The following PSTPIP1 variants were observed in gnomAD, a reference collection of about 807,000 sequenced individuals.
PSTPIP1 encodes the protein proline-serine-threonine phosphatase interacting protein 1, also known as proline-serine-threonine phosphatase-interacting protein 1.
PSTPIP1 carries 66 observed loss-of-function variants against 69.6 expected under a neutral mutation model. That is an observed-to-expected ratio of 0.95 (90% CI 0.78 to 1.16). The LOEUF is 1.16. Ranked by LOEUF, PSTPIP1 falls within the 50% of genes most tolerant of loss-of-function variation. The probability of loss-of-function intolerance (pLI) is 0.00; values close to 1 mark genes in which losing one functional copy is unlikely to be tolerated. For missense variants in PSTPIP1, 603 were observed against 557.4 expected (o/e 1.08, Z -0.82); for synonymous variants, 266 against 222.7 (o/e 1.19, Z -1.73).
intron 5 of PSTPIP1, chr15:77,026,286 C>T (rs2076280289): frequency 4.5e-6 from 2 of 442,754 alleles, no homozygotes; most frequent in Admixed American, 2.4e-5. Context: ...TGGGCTTGGG[C>T]CTGTGAGGAT....
In PSTPIP1 at chr15:77,015,827, C is replaced by T. The variant is rs1038759925; in HGVS notation, c.37-2321C>T. 1.4e-4 allele frequency: 63 copies of T among 435,330 alleles called. 1 individual carries two copies. In the Admixed American group the frequency reaches 1.5e-3, roughly 10 times the overall value. The allele number at this position is 435,330 out of a possible 1,614,324, so 27.0% of individuals were successfully genotyped here. On this transcript the variant is annotated intron_variant, in intron 1 of 14. Coordinates refer to ENST00000558012, the MANE Select transcript of PSTPIP1 (RefSeq NM_003978.5). Reference sequence around the variant, plus strand: ...GAGTCAGGCACTTCCTCGGAACATCCCAGTCCTTGTGACAGTAGCTCACTC... The same window carrying T: ...GAGTCAGGCACTTCCTCGGAACATCTCAGTCCTTGTGACAGTAGCTCACTC...
chr15:77,032,817 G>A (rs538133422), intron 11 of PSTPIP1, 45 bp from the exon 12 acceptor site: 1 of 1,494,530 alleles, frequency 6.7e-7, no homozygotes, highest in Non-Finnish European at 9.1e-7. Flanking sequence ...GGGCCAGAAT[G>A]GGGTGTTGGG....
intron 13 of PSTPIP1, 95 bp from the exon 14 acceptor site, chr15:77,035,707 G>A (rs1405149484): frequency 2.7e-6 from 4 of 1,494,920 alleles, no homozygotes; most frequent in South Asian, 1.2e-5. Flanking sequence ...AGAAGGAAGA[G>A]GCAGGGCCCA....
chr15:77,036,895 T>A, intron 14 of PSTPIP1, 150 bp from the exon 15 acceptor site: 2 of 1,016,250 alleles, frequency 2.0e-6, no homozygotes, highest in South Asian at 3.3e-5. Flanking sequence ...TCCGTTGGGT[T>A]ACCCCCATCC....
intron 2 of PSTPIP1, 46 bp downstream of exon 2, chr15:77,018,294 G>A (rs767253537): frequency 2.1e-5 from 33 of 1,549,016 alleles, no homozygotes; most frequent in Admixed American, 5.9e-5. Context: ...GGAAGCAGGT[G>A]GCTTCCGCTC....
chr15:77,029,794 G>A (rs980261277), intron 8 of PSTPIP1, among the ~76,000 whole-genome samples: 10 of 152,260 alleles, frequency 6.6e-5, no homozygotes, highest in Admixed American at 2.6e-4. Flanking sequence ...GCTGCCCTCC[G>A]AGGTGGCTGC....
Position 77,018,159 on chromosome 15 carries a change from C to T in PSTPIP1, c.48C>T (p.Phe16=), listed in dbSNP as rs776988502. The T allele has an allele frequency of 6.3e-7, 1 of 1,581,670 alleles. No individual in the cohort carries two copies. Among genetic ancestry groups the T allele is most frequent in the Admixed American group, 1.8e-5 (1 of 54,664 alleles). The stretch of plus-strand genomic sequence containing the variant: ...GTCCTGTGTCACAGTGCAGGGACTT[C>T]ACAGCCCACACGGGCTACGAGGTGC... ...QFKDAFWCRD[F]TAHTGYEVLL... Residue 16 remains phenylalanine (F), a synonymous_variant, in exon 2 of 15, where the codon TTC becomes TTT. Transcript: ENST00000558012.
intron 5 of PSTPIP1, among the ~76,000 whole-genome samples, chr15:77,026,838 ACC>A (rs2076290821): frequency 6.6e-6 from 1 of 152,082 alleles, no homozygotes; most frequent in Non-Finnish European, 1.5e-5. Context: ...GGAAGGAGGG[ACC>A]CCGGCCCTGC....
At chr15:77,017,789 T>C (rs944743556) in intron 1 of PSTPIP1, among the ~76,000 whole-genome samples, 4 of 152,306 alleles carry the variant, frequency 2.6e-5, no homozygotes, top group Non-Finnish European at 5.9e-5. Context: ...AGGGTGGCAC[T>C]GTGAGTGAGT....
chr15:76,995,705 G>A, intron 1 of PSTPIP1, 96 bp downstream of exon 1: 1 of 1,595,106 alleles, frequency 6.3e-7, no homozygotes, highest in Non-Finnish European at 8.6e-7. Context: ...CGAGAGGGGA[G>A]CTTTCTCATA....
chr15:77,033,035 C>T (rs1052851341), intron 12 of PSTPIP1, 83 bp downstream of exon 12: 17 of 1,334,792 alleles, frequency 1.3e-5, no homozygotes, highest in East Asian at 7.6e-5. Flanking sequence ...GGCCCTTCCT[C>T]GTTCACTGAG....
chr15:77,017,678 A>C (rs971068359), intron 1 of PSTPIP1, among the ~76,000 whole-genome samples: 2 of 152,210 alleles, frequency 1.3e-5, no homozygotes, highest in Non-Finnish European at 1.5e-5. Flanking sequence ...CTGGGGTTCA[A>C]GGCCAGGCCA....
Position 77,030,598 on chromosome 15 carries a change from G to A in PSTPIP1, c.642+17G>A. ...ACCTGTGAGGTGAGTGGCCCACGTG[G>A]AGCCTCGTTTTCCCCAGCTGGGAAG... On this transcript the variant is annotated intron_variant, in intron 9 of 14. Transcript: ENST00000558012. 1 of 1,582,760 alleles carries A rather than the reference G, an allele frequency of 6.3e-7. No individual in the cohort carries two copies. Among genetic ancestry groups the A allele is most frequent in the Non-Finnish European group, 8.6e-7 (1 of 1,156,658 alleles).
chr15:77,015,766 G>T (rs1268659816), intron 1 of PSTPIP1: 3 of 371,030 alleles, frequency 8.1e-6, no homozygotes, highest in Non-Finnish European at 1.6e-5. Context: ...GGGGGAAGGG[G>T]TGCAGGGCTG....
chr15:77,010,615 C>G (rs1481138439), intron 1 of PSTPIP1, among the ~76,000 whole-genome samples: 1 of 152,090 alleles, frequency 6.6e-6, no homozygotes, highest in African/African-American at 2.4e-5. Flanking sequence ...CTTGTGTTTG[C>G]TCCTTGCCTC....
intron 1 of PSTPIP1, among the ~76,000 whole-genome samples, chr15:76,999,051 CT>C (rs2075641519): frequency 6.6e-6 from 1 of 152,154 alleles, no homozygotes; most frequent in Non-Finnish European, 1.5e-5. Context: ...AGCACTGAGT[CT>C]AAGGCGCTGG....
rs56266471 is a variant in PSTPIP1, at chr15:77,032,476, G to A, written c.838+82G>A. On this transcript the variant is annotated intron_variant, in intron 11 of 14. Coordinates refer to ENST00000558012, the MANE Select transcript of PSTPIP1 (RefSeq NM_003978.5). The stretch of plus-strand genomic sequence containing the variant: ...CCCGGCCCTGAGCCTCAAGTGCCAG[G>A]ACCGGGCTGGGGTAGCTCACAGCTC... 6.6e-4 allele frequency: 967 copies of A among 1,465,380 alleles called. 5 individuals carry two copies. The highest frequency in any genetic ancestry group is 3.0e-4 in the Non-Finnish European group (314 of 1,055,908). The allele number at this position is 1,465,380 out of a possible 1,614,324, so 90.8% of individuals were successfully genotyped here.
In PSTPIP1 at chr15:77,030,503, G is replaced by A. The variant is rs879253893; in HGVS notation, c.564G>A (p.Glu188=). The A allele has an allele frequency of 3.1e-6, 5 of 1,612,312 alleles. No individual in the cohort carries two copies. Among genetic ancestry groups the A allele is most frequent in the Non-Finnish European group, 4.2e-6 (5 of 1,179,634 alleles). ...RQCKDSATEA[E]RVYRQSIAQL... is the part of the protein sequence containing the mutation. ...CCCTGAGGCTGCCTGCGCTTTCAGAGCGGGTATACAGGCAGAGCATTGCGC... is the reference window on the plus strand; with the variant it reads ...CCCTGAGGCTGCCTGCGCTTTCAGAACGGGTATACAGGCAGAGCATTGCGC... Residue 188 remains glutamate (E), a splice_region_variant and synonymous_variant, in exon 9 of 15, where the codon GAG becomes GAA. Coordinates refer to ENST00000558012, the MANE Select transcript of PSTPIP1 (RefSeq NM_003978.5).
intron 1 of PSTPIP1, among the ~76,000 whole-genome samples, chr15:77,007,629 C>G (rs1395026052): frequency 1.3e-5 from 2 of 150,654 alleles, no homozygotes; most frequent in African/African-American, 4.9e-5. Context: ...GACTCTCGCT[C>G]TGCTGCCCAA....
Sources: gnomAD v4.1 joint callset for allele counts (sites outside exome capture counted in the v4.1 genomes callset) on GRCh38, gnomAD v4.1.1 for gene constraint, MANE v1.5 for transcripts, NCBI Gene and HGNC (gene_info 2026-07-23, HGNC 2026-07-21) for gene names.